MYOM1: variants seen among roughly 807,000 people sequenced by gnomAD.
MYOM1 encodes myomesin-1.
MYOM1 carries 164 observed loss-of-function variants against 205.3 expected under a neutral mutation model. The ratio of observed to expected loss-of-function variants is 0.80; its 90% CI spans 0.70 to 0.91. The LOEUF (loss-of-function observed/expected upper bound fraction) is 0.91, where lower values mean the gene tolerates loss of function less well. Ranked by LOEUF, MYOM1 falls within the 40% of genes least tolerant of loss-of-function variation. The probability of loss-of-function intolerance (pLI) is 0.00; values close to 1 mark genes in which losing one functional copy is unlikely to be tolerated. For missense variants in MYOM1, 2,011 were observed against 2,127.3 expected (o/e 0.95, Z 1.08); for synonymous variants, 772 against 789.4 (o/e 0.98, Z 0.37).
At chr18:3,170,306 G>A (rs1286156866) in intron 8 of MYOM1, among the ~76,000 whole-genome samples, 1 of 152,142 alleles carries the variant, frequency 6.6e-6, no homozygotes, top group East Asian at 1.9e-4. Context: ...AATAAGACAT[G>A]TTTGAGATGA....
rs763390905 is a variant in MYOM1, at chr18:3,119,953, C to A, written c.3034G>T (p.Ala1012Ser). The A allele has an allele frequency of 6.2e-7, 1 of 1,609,432 alleles. No individual in the cohort carries two copies. Among genetic ancestry groups the A allele is most frequent in the Admixed American group, 1.7e-5 (1 of 59,180 alleles). ...KENMVYQFQV[A>S]AMNMAGLGAP... The stretch of plus-strand genomic sequence containing the variant: ...CCCAGCCCAGCCATGTTCATGGCTG[C>A]CACTTGGAACTGATACACCATGTTT... Residue 1012 changes from alanine to serine, a missense_variant, in exon 20 of 38, where the codon GCA (alanine) becomes TCA (serine). Physicochemically the swap from Ala to Ser is moderately conservative, Grantham distance 99 (BLOSUM62 1). Coordinates refer to ENST00000356443, the MANE Select transcript of MYOM1 (RefSeq NM_003803.4).
chr18:3,187,026 C>T (rs906217919), intron 5 of MYOM1, among the ~76,000 whole-genome samples: 13 of 152,080 alleles, frequency 8.5e-5, no homozygotes, highest in Admixed American at 8.5e-4. Flanking sequence ...ATTGAGGCCT[C>T]AGCTCACATG....
intron 25 of MYOM1, among the ~76,000 whole-genome samples, chr18:3,094,614 A>G (rs1301667168): frequency 6.6e-6 from 1 of 151,914 alleles, no homozygotes; most frequent in Non-Finnish European, 1.5e-5. Flanking sequence ...CTTGTAGCTA[A>G]TATCTGTAAC....
At chr18:3,138,484 T>A (rs1439490302) in intron 14 of MYOM1, among the ~76,000 whole-genome samples, 1 of 152,218 alleles carries the variant, frequency 6.6e-6, no homozygotes, top group East Asian at 1.9e-4. Flanking sequence ...GGCCTTGGTT[T>A]CGTCTTCTAT....
At chr18:3,107,265 G>A (rs1018388962) in intron 22 of MYOM1, among the ~76,000 whole-genome samples, 2 of 152,142 alleles carry the variant, frequency 1.3e-5, no homozygotes, top group African/African-American at 4.8e-5. Context: ...CTACAGGCAT[G>A]TGCCACCACG....
chr18:3,125,814 T>A, intron 19 of MYOM1, among the ~76,000 whole-genome samples: 1 of 152,212 alleles, frequency 6.6e-6, no homozygotes, highest in East Asian at 1.9e-4. Flanking sequence ...CTGGTTCTCT[T>A]ATGTGACCTG....
intron 10 of MYOM1, among the ~76,000 whole-genome samples, chr18:3,158,931 GT>G (rs1555624858): frequency 1.3e-5 from 2 of 152,090 alleles, no homozygotes; most frequent in Non-Finnish European, 2.9e-5. Flanking sequence ...AATTTTCATT[GT>G]TTTGATTGCT....
intron 10 of MYOM1, among the ~76,000 whole-genome samples, chr18:3,159,926 CTTCCTTCCTTCT>C (rs2080359202): frequency 7.8e-6 from 1 of 128,948 alleles, no homozygotes; most frequent in Non-Finnish European, 1.7e-5. Flanking sequence ...TCCTTCCTTC[CTTCCTTCCTTCT>C]CTCCTTCCCT....
intron 33 of MYOM1, among the ~76,000 whole-genome samples, chr18:3,082,147 G>T (rs1349988458): frequency 6.6e-6 from 1 of 152,252 alleles, no homozygotes; most frequent in African/African-American, 2.4e-5. Context: ...AGGAGGCGGA[G>T]CTCAGGTGGT....
At chr18:3,098,994 C>G (rs1300709795) in intron 25 of MYOM1, among the ~76,000 whole-genome samples, 1 of 152,130 alleles carries the variant, frequency 6.6e-6, no homozygotes, top group Non-Finnish European at 1.5e-5. Context: ...CGCTCTGTTG[C>G]CCAGGGTGGA....
chr18:3,089,701 C>G lies in MYOM1; in HGVS notation c.4010-105G>C, dbSNP rs1462763191. On this transcript the variant is annotated intron_variant, in intron 27 of 37. Coordinates refer to ENST00000356443, the MANE Select transcript of MYOM1 (RefSeq NM_003803.4). The stretch of plus-strand genomic sequence containing the variant: ...TATATTCATTATTGTAACACTCATA[C>G]ATTGTGACAACCCTGCTCATTTTTT... 4 of 784,884 alleles carry G rather than the reference C, an allele frequency of 5.1e-6. No individual in the cohort carries two copies. The African/African-American group carries it at 5.3e-5, about 10-fold the overall frequency. The allele number at this position is 784,884 out of a possible 1,614,324, so 48.6% of individuals were successfully genotyped here. A position where few individuals can be genotyped will look rare whatever the true frequency, so the allele number is the denominator to read the frequency against.
Position 3,089,527 on chromosome 18 carries a change from C to T in MYOM1, c.4069+10G>A. ...TAAAAATTTTCTCTTTATCCACGGCCTATTTTTACCTTGTTTCCTGATCCA... is the reference window on the plus strand; with the variant it reads ...TAAAAATTTTCTCTTTATCCACGGCTTATTTTTACCTTGTTTCCTGATCCA... On this transcript the variant is annotated intron_variant, in intron 28 of 37. Transcript: ENST00000356443. 2 of 1,601,916 alleles carry T rather than the reference C, an allele frequency of 1.2e-6. No individual in the cohort carries two copies. The highest frequency in any genetic ancestry group is 1.7e-6 in the Non-Finnish European group (2 of 1,174,238).
intron 17 of MYOM1, among the ~76,000 whole-genome samples, chr18:3,130,399 T>C (rs2079858208): frequency 6.6e-6 from 1 of 152,176 alleles, no homozygotes; most frequent in Non-Finnish European, 1.5e-5. Context: ...AGACAATCAA[T>C]ATTAAATCAG....
intron 2 of MYOM1, among the ~76,000 whole-genome samples, chr18:3,201,957 T>C (rs1377061937): frequency 6.6e-6 from 1 of 152,208 alleles, no homozygotes; most frequent in Non-Finnish European, 1.5e-5. Context: ...TCTTAAATTC[T>C]TTAAAAGATA....
At chr18:3,193,381 C>CACACACACAA (rs139388864) in intron 3 of MYOM1, among the ~76,000 whole-genome samples, 20,725 of 140,442 alleles carry the variant, frequency 0.15, 1,831 homozygotes, top group East Asian at 0.23. Flanking sequence ...CACACACACA[C>CACACACACAA]AATAATAAAA....
chr18:3,114,544 A>ATTTTTTTTTTTTTTTTTTTT (rs5822738), intron 21 of MYOM1, among the ~76,000 whole-genome samples: 5 of 88,344 alleles, frequency 5.7e-5, no homozygotes, highest in African/African-American at 2.4e-4. Flanking sequence ...TGGTCAGCTA[A>ATTTTTTTTTTTTTTTTTTTT]TTTTTTTTTT....
intron 20 of MYOM1, among the ~76,000 whole-genome samples, chr18:3,118,577 C>T (rs1485927280): frequency 6.6e-6 from 1 of 152,048 alleles, no homozygotes; most frequent in Admixed American, 6.5e-5. Flanking sequence ...CAGGCAATCC[C>T]CCTGCCTCAG....
At chr18:3,088,618 C>T (rs180930569) in intron 29 of MYOM1, among the ~76,000 whole-genome samples, 55 of 152,310 alleles carry the variant, frequency 3.6e-4, no homozygotes, top group African/African-American at 1.3e-3. Context: ...GATGACTCAG[C>T]TACACACCAC....
chr18:3,214,809 A>C, intron 2 of MYOM1, 125 bp downstream of exon 2: 1 of 1,079,646 alleles, frequency 9.3e-7, no homozygotes, highest in Non-Finnish European at 1.3e-6. Context: ...CTGGGCAACA[A>C]GAGCGAAACT....
Sources: allele counts gnomAD v4.1 joint callset (sites outside exome capture counted in the v4.1 genomes callset), GRCh38; gene constraint gnomAD v4.1.1; transcripts MANE v1.5; gene names NCBI Gene and HGNC (gene_info 2026-07-23, HGNC 2026-07-21).